Variants in ADGRL3 observed in about 807,000 individuals in gnomAD.
The protein encoded by ADGRL3 is adhesion G protein-coupled receptor L3.
A neutral mutation model predicts 153.5 loss-of-function variants in ADGRL3; 62 were observed. The ratio of observed to expected loss-of-function variants is 0.40; its 90% CI spans 0.33 to 0.50. The LOEUF (loss-of-function observed/expected upper bound fraction) is 0.50, where lower values mean the gene tolerates loss of function less well. ADGRL3 is among the 20% of genes least tolerant of loss of function. ADGRL3 has a pLI of 0.47. For missense variants in ADGRL3, 1,641 were observed against 1,859.4 expected (o/e 0.88, Z 2.16); for synonymous variants, 710 against 672.5 (o/e 1.06, Z -0.86).
chr4:61,412,721 G>A (rs1218730464), intron 2 of ADGRL3, among the ~76,000 whole-genome samples: 4 of 152,042 alleles, frequency 2.6e-5, no homozygotes, highest in Non-Finnish European at 5.9e-5. Context: ...TAGAGCCCAG[G>A]TGTTGTTTTA....
chr4:61,972,797 A>C (rs1264436465), intron 17 of ADGRL3, among the ~76,000 whole-genome samples: 4 of 152,086 alleles, frequency 2.6e-5, no homozygotes, highest in African/African-American at 9.7e-5. Flanking sequence ...TGAGCATGGA[A>C]TGTTCTTCCA....
chr4:61,411,436 C>G (rs2097086658), intron 2 of ADGRL3, among the ~76,000 whole-genome samples: 2 of 152,120 alleles, frequency 1.3e-5, no homozygotes, highest in South Asian at 4.1e-4. Context: ...GTGATGTCAG[C>G]AACAGTAATT....
In ADGRL3 at chr4:61,567,013, G is replaced by C. The variant is rs991173444; in HGVS notation, c.260-20214G>C. ...TCCCATGTTGTATGATAAGGAAGTG[G>C]ATTTCTAAAGCAGGGAAAGGATTTG... On this transcript the variant is annotated intron_variant, in intron 4 of 26. Transcript: ENST00000683033. 2.6e-5 allele frequency among the ~76,000 whole-genome samples: 4 copies of C among 152,230 alleles called. No individual in the cohort carries two copies. In the East Asian group the frequency reaches 7.7e-4, roughly 29 times the overall value.
At chr4:61,352,456 T>C (rs966543920) in intron 1 of ADGRL3, among the ~76,000 whole-genome samples, 3 of 151,920 alleles carry the variant, frequency 2.0e-5, no homozygotes, top group Non-Finnish European at 4.4e-5. Context: ...TGGTGCGATC[T>C]CAGCTCACTG....
At chr4:61,525,224 T>A (rs1013417783) in intron 4 of ADGRL3, among the ~76,000 whole-genome samples, 1 of 152,090 alleles carries the variant, frequency 6.6e-6, no homozygotes, top group African/African-American at 2.4e-5. Flanking sequence ...TTAGATAAGG[T>A]AGTATTTTAA....
intron 2 of ADGRL3, among the ~76,000 whole-genome samples, chr4:61,479,596 A>C (rs2098110205): frequency 6.6e-6 from 1 of 152,250 alleles, no homozygotes; most frequent in South Asian, 2.1e-4. Context: ...ATTACCAGAA[A>C]CTATTTGCAG....
chr4:61,396,424 A>T (rs2152071098), intron 2 of ADGRL3, among the ~76,000 whole-genome samples: 1 of 152,036 alleles, frequency 6.6e-6, no homozygotes. Flanking sequence ...TAAAAAAAAA[A>T]CTTTTATAGG....
intron 2 of ADGRL3, among the ~76,000 whole-genome samples, chr4:61,432,723 G>T (rs1284915967): frequency 1.4e-5 from 2 of 144,212 alleles, no homozygotes; most frequent in African/African-American, 5.1e-5. Flanking sequence ...GAGCGATCTC[G>T]GCGCACCGCA....
At chr4:61,685,600 T>G (rs1385120258) in intron 6 of ADGRL3, among the ~76,000 whole-genome samples, 1 of 151,950 alleles carries the variant, frequency 6.6e-6, no homozygotes, top group Non-Finnish European at 1.5e-5. Context: ...GCTCCAAGGA[T>G]CTTGAGGTAG....
intron 5 of ADGRL3, among the ~76,000 whole-genome samples, chr4:61,638,044 A>G (rs1446551431): frequency 6.6e-6 from 1 of 152,186 alleles, no homozygotes; most frequent in African/African-American, 2.4e-5. Flanking sequence ...CTAAGTATTT[A>G]TCTATGATAA....
intron 1 of ADGRL3, among the ~76,000 whole-genome samples, chr4:61,264,873 T>C (rs1256168888): frequency 6.6e-6 from 1 of 151,928 alleles, no homozygotes; most frequent in Non-Finnish European, 1.5e-5. Flanking sequence ...CAAAACCTTT[T>C]CAGTAAGTAC....
At chr4:61,701,420 TA>T (rs1448041771) in intron 6 of ADGRL3, among the ~76,000 whole-genome samples, 2 of 146,218 alleles carry the variant, frequency 1.4e-5, no homozygotes, top group African/African-American at 2.5e-5. Flanking sequence ...AGAAGCACAT[TA>T]AAGGTACAAT....
intron 5 of ADGRL3, among the ~76,000 whole-genome samples, chr4:61,632,830 T>C (rs1200322352): frequency 6.6e-6 from 1 of 152,164 alleles, no homozygotes; most frequent in Non-Finnish European, 1.5e-5. Context: ...TGATCTACCA[T>C]ATTTGTGTAG....
chr4:61,472,227 G>C (rs2097966144), intron 2 of ADGRL3, among the ~76,000 whole-genome samples: 1 of 152,074 alleles, frequency 6.6e-6, no homozygotes, highest in Non-Finnish European at 1.5e-5. Flanking sequence ...GTATTCCTGG[G>C]ACGAGATGTT....
intron 2 of ADGRL3, among the ~76,000 whole-genome samples, chr4:61,431,115 T>C (rs1185591440): frequency 6.6e-6 from 1 of 152,216 alleles, no homozygotes; most frequent in East Asian, 1.9e-4. Flanking sequence ...ATAACCATGA[T>C]CATCATCACT....
At chr4:61,604,596 A>C in intron 5 of ADGRL3, among the ~76,000 whole-genome samples, 1 of 152,192 alleles carries the variant, frequency 6.6e-6, no homozygotes, top group Admixed American at 6.5e-5. Flanking sequence ...TGAACTTTAA[A>C]ATGCAGTAAA....
At chr4:61,246,858 G>A (rs1326216375) in intron 1 of ADGRL3, among the ~76,000 whole-genome samples, 2 of 151,760 alleles carry the variant, frequency 1.3e-5, no homozygotes, top group Non-Finnish European at 2.9e-5. Flanking sequence ...GGAAGGGGAT[G>A]GCTCAGAATT....
At chr4:61,968,833 G>A (rs1386855785) in intron 17 of ADGRL3, among the ~76,000 whole-genome samples, 4 of 152,060 alleles carry the variant, frequency 2.6e-5, no homozygotes, top group Non-Finnish European at 5.9e-5. Flanking sequence ...ATTTACATTT[G>A]CACAGTCTGT....
intron 1 of ADGRL3, among the ~76,000 whole-genome samples, chr4:61,291,509 T>TG (rs1177109484): frequency 1.3e-5 from 2 of 150,286 alleles, no homozygotes; most frequent in South Asian, 2.1e-4. Flanking sequence ...ATCCTGGAGT[T>TG]GGGGGATGGT....
Sources: allele counts gnomAD v4.1 joint callset (sites outside exome capture counted in the v4.1 genomes callset), GRCh38; gene constraint gnomAD v4.1.1; transcripts MANE v1.5; gene names NCBI Gene and HGNC (gene_info 2026-07-23, HGNC 2026-07-21).